The following CD300A variants were observed in gnomAD, a reference collection of about 807,000 sequenced individuals.
CD300A encodes the protein CMRF35-like molecule 8.
CD300A carries 22 observed loss-of-function variants against 33.6 expected under a neutral mutation model. The ratio of observed to expected loss-of-function variants is 0.66; its 90% confidence interval spans 0.47 to 0.94. CD300A has a LOEUF of 0.94. Among genes scored for constraint, CD300A ranks in the 40% least tolerant of loss-of-function variants. CD300A has a pLI of 0.00. For missense variants in CD300A, 326 were observed against 360.5 expected, an observed-to-expected ratio of 0.90 and a Z score of 0.77; for synonymous variants, 136 against 148.1, an observed-to-expected ratio of 0.92 and a Z score of 0.59.
At chr17:74,466,550 A>T, upstream of CD300A, 1 of 844,776 alleles carries the variant, frequency 1.2e-6, no homozygotes, top group Non-Finnish European at 1.8e-6. Flanking sequence ...GCATTTTCTG[A>T]CCGGCTCCAG....
chr17:74,473,943 G>A, intron 2 of CD300A, 69 bp downstream of exon 2: 1 of 1,533,092 alleles, frequency 6.5e-7, no homozygotes, highest in Non-Finnish European at 8.9e-7. Flanking sequence ...AATCAGATCA[G>A]AGACGTGAAG....
intron 1 of CD300A, among the ~76,000 whole-genome samples, chr17:74,471,724 G>C (rs1391555451): frequency 6.6e-6 from 1 of 152,174 alleles, no homozygotes; most frequent in Admixed American, 6.5e-5. Flanking sequence ...ACATCCAGGC[G>C]TGGAGAGGTT....
rs1416068849 is a variant in CD300A, at chr17:74,473,817, C to G, written c.322C>G (p.Pro108Ala). The change falls in exon 2 of 7, where the codon CCA becomes GCA. Residue 108 changes from proline to alanine, a missense_variant. By Grantham distance (27) the Pro-to-Ala change is conservative. Transcript: ENST00000360141. ...AGTYWCGVDT[P>A]WLRDFHDPVV... ...CACCTACTGGTGTGGGGTGGATACA[C>G]CATGGCTCCGAGACTTTCATGATCC... is the stretch of plus-strand genomic sequence containing the variant. The G allele has an allele frequency of 6.2e-7, 1 of 1,613,976 alleles. No individual in the cohort carries two copies. Among genetic ancestry groups the G allele is most frequent in the Non-Finnish European group, 8.5e-7 (1 of 1,179,956 alleles).
intron 6 of CD300A, among the ~76,000 whole-genome samples, chr17:74,482,255 G>C (rs908964634): frequency 3.3e-5 from 5 of 151,982 alleles, no homozygotes; most frequent in African/African-American, 1.2e-4. Context: ...GATGGGATGG[G>C]GGCTGCCTCC....
At position 74,480,467 on chromosome 17, in the gene CD300A, G is replaced by C. The variant is rs1464327296; in HGVS notation, c.629-822G>C. 6.6e-6 allele frequency among the ~76,000 whole-genome samples: 1 copy of C among 152,184 alleles called. No homozygotes were observed. Among genetic ancestry groups the C allele is most frequent in the East Asian group, 1.9e-4 (1 of 5,168 alleles). On this transcript the variant is annotated intron_variant, in intron 4 of 6. Transcript: ENST00000360141. The surrounding 1 kb of genome is among the most constrained non-coding windows in gnomAD (Gnocchi z 4.2). The stretch of plus-strand genomic sequence containing the variant: ...TTATAGAGCAGGTGCCAGCAGCCAA[G>C]GGCTGTGTGAGCCTGAGCTGGCGTC...
chr17:74,471,860 C>G (rs185048743), intron 1 of CD300A, among the ~76,000 whole-genome samples: 1 of 152,042 alleles, frequency 6.6e-6, no homozygotes, highest in African/African-American at 2.4e-5. Flanking sequence ...AGGTGCAAGG[C>G]ACCTGTAGAC....
intron 1 of CD300A, among the ~76,000 whole-genome samples, chr17:74,468,081 C>G (rs1226296653): frequency 1.3e-5 from 2 of 151,474 alleles, no homozygotes; most frequent in African/African-American, 2.4e-5. Flanking sequence ...GTTGCCCAGG[C>G]TGGAGTGCAG....
rs1906829039 is a variant in CD300A at position 74,481,330 on chromosome 17, A to G, written c.666+4A>G. 6.8e-6 allele frequency: 11 copies of G among 1,613,510 alleles called. No homozygotes were observed. Among genetic ancestry groups the G allele is most frequent in the Non-Finnish European group, 8.5e-6 (10 of 1,179,764 alleles). On this transcript the variant is annotated splice_donor_region_variant and intron_variant, in intron 5 of 6. Coordinates refer to ENST00000360141, the MANE Select transcript of CD300A (RefSeq NM_007261.4). ...GCTGTCCCAGAACCCCAAGCAGGTA[A>G]GGGGGCTTTAGCAGGAGGTGTATCA... is the stretch of plus-strand genomic sequence containing the variant.
At chr17:74,473,112 G>C (rs1906215325) in intron 1 of CD300A, among the ~76,000 whole-genome samples, 2 of 152,126 alleles carry the variant, frequency 1.3e-5, no homozygotes, top group South Asian at 4.1e-4. Flanking sequence ...GGTGAGAGGG[G>C]TGGGAAGGGT....
chr17:74,480,055 C>T lies in CD300A; in HGVS notation c.629-1234C>T, dbSNP rs188397428. Among the ~76,000 whole-genome samples the T allele has an allele frequency of 1.8e-4, 28 of 152,280 alleles. 1 individual carries two copies. The East Asian group carries it at 5.4e-3, about 29-fold the overall frequency. On this transcript the variant is annotated intron_variant, in intron 4 of 6. Transcript: ENST00000360141. The surrounding 1 kb of genome is among the most constrained non-coding windows in gnomAD (Gnocchi z 4.2). ...CCCGGGCGTTGAACTCCTGTCTCTT[C>T]CCCACCAGCTCTTTTTCTCCTTCCC...
At chr17:74,466,511 G>GA (rs1905714758), upstream of CD300A, 1 of 629,728 alleles carries the variant, frequency 1.6e-6, no homozygotes. Context: ...CGTTTCTAGG[G>GA]AGTCTTAGTC....
At chr17:74,477,682 C>G (rs1457596361) in intron 4 of CD300A, 152 bp downstream of exon 4, 4 of 543,864 alleles carry the variant, frequency 7.4e-6, no homozygotes, top group Non-Finnish European at 1.3e-5. Flanking sequence ...CAGGGCAGGT[C>G]CCATGGGAGG....
In CD300A at chr17:74,473,684, G is replaced by C. The variant is rs1198062594; in HGVS notation, c.189G>C (p.Glu63Asp). 59 of 1,614,144 alleles carry C rather than the reference G, an allele frequency of 3.7e-5. No homozygotes were observed. The highest frequency in any genetic ancestry group is 5.0e-5 in the Non-Finnish European group (59 of 1,180,056). The change falls in exon 2 of 7, where the codon GAG becomes GAC. Residue 63 changes from glutamate (E) to aspartate (D), a missense_variant. Glu to Asp is a conservative substitution (Grantham distance 45). Transcript: ENST00000360141. ...TTTTCCTATGTGACAAGATTGTGGA[G>C]ACCAAAGGGTCAGCAGGAAAAAGGA... ...PQIFLCDKIV[E>D]TKGSAGKRNG...
rs1160822413 is a variant in CD300A, at chr17:74,473,716, G to A, written c.221G>A (p.Arg74Gln). The A allele has an allele frequency of 8.7e-6, 14 of 1,614,092 alleles. No homozygotes were observed. Among genetic ancestry groups the A allele is most frequent in the African/African-American group, 2.7e-5 (2 of 74,936 alleles). ...TKGSAGKRNG[R>Q]VSIRDSPANL... ...GGGTCAGCAGGAAAAAGGAACGGCC[G>A]AGTGTCCATCAGGGACAGTCCTGCA... The change falls in exon 2 of 7, where the codon CGA becomes CAA. Residue 74 changes from arginine to glutamine, a missense_variant. Coordinates refer to ENST00000360141, the MANE Select transcript of CD300A (RefSeq NM_007261.4).
intron 5 of CD300A, 163 bp from the exon 6 acceptor site, chr17:74,481,563 C>G: frequency 1.5e-6 from 1 of 664,852 alleles, no homozygotes; most frequent in East Asian, 2.7e-5. Context: ...CCAAGCTGAC[C>G]TGGGGAACAT....
At chr17:74,470,080 G>A (rs4788837) in intron 1 of CD300A, 448,573 of 984,610 alleles carry the variant, frequency 0.46, 108,272 homozygotes, top group African/African-American at 0.85. Context: ...CAAGGAAAAC[G>A]TTAAGACGAC....
chr17:74,474,754 T>G, intron 3 of CD300A, 69 bp downstream of exon 3: 1 of 1,542,718 alleles, frequency 6.5e-7, no homozygotes, highest in Non-Finnish European at 8.8e-7. Context: ...GGCGGGGACC[T>G]TGGCCATGTG....
intron 1 of CD300A, among the ~76,000 whole-genome samples, chr17:74,467,613 C>T (rs1480915185): frequency 6.6e-6 from 1 of 152,216 alleles, no homozygotes; most frequent in East Asian, 1.9e-4. Context: ...CTCCTCAGGC[C>T]TAGTCCTAGG....
intron 1 of CD300A, 30 bp downstream of exon 1, chr17:74,466,773 C>G (rs1437737101): frequency 2.5e-6 from 4 of 1,573,742 alleles, no homozygotes; most frequent in Non-Finnish European, 3.5e-6. Context: ...GGAAAGTCTG[C>G]GGCAGGGAGG....
Sources: gnomAD v4.1 joint callset for allele counts (sites outside exome capture counted in the v4.1 genomes callset) on GRCh38, gnomAD v4.1.1 for gene constraint, Gnocchi (gnomAD v3.1) non-coding constraint, MANE v1.5 for transcripts, NCBI Gene and HGNC (gene_info 2026-07-23, HGNC 2026-07-21) for gene names.